The following SMIM41 variants were observed in gnomAD, a reference collection of about 807,000 sequenced individuals.
The protein encoded by SMIM41 is small integral membrane protein 41.
chr12:52,090,315 T>C (rs1163952356), intron 2 of SMIM41, among the ~76,000 whole-genome samples: 1 of 151,938 alleles, frequency 6.6e-6, no homozygotes, highest in Non-Finnish European at 1.5e-5. Context: ...ACTCCTGAAC[T>C]CAAGTGACCC....
Position 52,079,759 on chromosome 12 carries a change from C to T in SMIM41, c.-21C>T. On this transcript the variant is annotated 5_prime_UTR_variant, in exon 1 of 3. Transcript: ENST00000546390. ...TGCACATCTGGCGATCCCGCCACAT[C>T]TGGGCAGCCGGCGCTGGAGCATGAA... The T allele has an allele frequency of 2.5e-6, 1 of 393,072 alleles. No homozygotes were observed. Among genetic ancestry groups the T allele is most frequent in the East Asian group, 3.6e-5 (1 of 27,608 alleles). The allele number at this position is 393,072 out of a possible 1,614,324, so 24.3% of individuals were successfully genotyped here.
intron 2 of SMIM41, chr12:52,087,719 G>C (rs1939913457): frequency 6.6e-6 from 1 of 152,252 alleles, no homozygotes; most frequent in Non-Finnish European, 1.5e-5. Flanking sequence ...AGGAAAATGA[G>C]ATAGTGATCA....
chr12:52,102,678 A>T (rs1940241080), intron 2 of SMIM41, among the ~76,000 whole-genome samples: 1 of 152,236 alleles, frequency 6.6e-6, no homozygotes, highest in African/African-American at 2.4e-5. Flanking sequence ...CAATAATGTG[A>T]TACCACACAT....
intron 2 of SMIM41, among the ~76,000 whole-genome samples, chr12:52,085,482 G>C (rs1456182300): frequency 6.6e-6 from 1 of 152,160 alleles, no homozygotes; most frequent in Non-Finnish European, 1.5e-5. Flanking sequence ...TAGGGTGCTT[G>C]GCACATACCT....
At chr12:52,093,828 C>T (rs1940043806) in intron 2 of SMIM41, among the ~76,000 whole-genome samples, 1 of 152,080 alleles carries the variant, frequency 6.6e-6, no homozygotes, top group Non-Finnish European at 1.5e-5. Flanking sequence ...CAAAAGCAAC[C>T]CTTTTGGAAA....
chr12:52,091,027 T>G (rs900062814), intron 2 of SMIM41, among the ~76,000 whole-genome samples: 2 of 152,198 alleles, frequency 1.3e-5, no homozygotes, highest in African/African-American at 2.4e-5. Context: ...ATTTTTTTCT[T>G]ATGAAAACAG....
rs1222947890 is a variant in SMIM41, at chr12:52,081,888, G to T, written c.*120+1707G>T. Reference sequence around the variant, plus strand: ...TTCAGGCCCCCTTCTGGCACTTGGGGGCCCCTCTCACTCTGTCCTCTTCCC... The same window carrying T: ...TTCAGGCCCCCTTCTGGCACTTGGGTGCCCCTCTCACTCTGTCCTCTTCCC... On this transcript the variant is annotated intron_variant, in intron 1 of 2. Coordinates refer to ENST00000546390, the MANE Select transcript of SMIM41 (RefSeq NM_001369216.1). This position sits in a 1 kb window ranked among gnomAD's most constrained non-coding sequence, Gnocchi z 4.1. Among the ~76,000 whole-genome samples the T allele has an allele frequency of 2.0e-5, 3 of 152,152 alleles. No homozygotes were observed. Among genetic ancestry groups the T allele is most frequent in the African/African-American group, 7.2e-5 (3 of 41,436 alleles).
intron 2 of SMIM41, among the ~76,000 whole-genome samples, chr12:52,084,237 G>A (rs1939859255): frequency 1.3e-5 from 2 of 152,058 alleles, no homozygotes; most frequent in African/African-American, 4.8e-5. Context: ...AGCTGGATGT[G>A]GCGGTGCATG....
intron 2 of SMIM41, among the ~76,000 whole-genome samples, chr12:52,086,219 G>C (rs1939890609): frequency 6.6e-6 from 1 of 152,090 alleles, no homozygotes; most frequent in Non-Finnish European, 1.5e-5. Context: ...CATACCCTGA[G>C]CAGTTCTGGG....
chr12:52,080,022 G>A lies in SMIM41; in HGVS notation c.243G>A (p.Pro81=), dbSNP rs370119941. 4.8e-4 allele frequency: 180 copies of A among 371,552 alleles called. 4 individuals carry two copies. In the East Asian group the frequency reaches 5.2e-3, roughly 11 times the overall value. The allele number at this position is 371,552 out of a possible 1,614,324, so 23.0% of individuals were successfully genotyped here. ...REQRASREPE[P]GSASGEDGDD... is the part of the protein sequence containing the mutation. ...AGCGCGCGTCCCGCGAGCCCGAGCC[G>A]GGCAGTGCCAGCGGAGAGGACGGCG... The change falls in exon 1 of 3, where the codon CCG becomes CCA. Residue 81 remains proline, a synonymous_variant. Transcript: ENST00000546390.
At chr12:52,097,150 C>G (rs1428122749) in intron 2 of SMIM41, among the ~76,000 whole-genome samples, 3 of 152,146 alleles carry the variant, frequency 2.0e-5, no homozygotes, top group Non-Finnish European at 2.9e-5. Context: ...GTGAACACCC[C>G]CTCCATGATA....
intron 2 of SMIM41, chr12:52,092,315 T>A (rs1407422960): frequency 1.3e-5 from 2 of 152,228 alleles, no homozygotes; most frequent in Non-Finnish European, 1.5e-5. Flanking sequence ...AGAGAAATGA[T>A]GAATATTTCA....
intron 2 of SMIM41, among the ~76,000 whole-genome samples, chr12:52,103,818 T>C (rs1235257712): frequency 2.0e-5 from 3 of 152,306 alleles, no homozygotes. Flanking sequence ...CTAGAGTAGT[T>C]AAACTCATAG....
intron 2 of SMIM41, among the ~76,000 whole-genome samples, chr12:52,099,803 C>A (rs1277357535): frequency 1.4e-5 from 2 of 140,706 alleles, no homozygotes. Context: ...ATACTATGAA[C>A]AATATCACAG....
chr12:52,085,173 T>G (rs1939876011), intron 2 of SMIM41, among the ~76,000 whole-genome samples: 1 of 152,106 alleles, frequency 6.6e-6, no homozygotes, highest in Non-Finnish European at 1.5e-5. Context: ...AGTCTAAGGG[T>G]GGTTCTGGCC....
chr12:52,101,142 G>C (rs1236544365), intron 2 of SMIM41, among the ~76,000 whole-genome samples: 1 of 152,120 alleles, frequency 6.6e-6, no homozygotes, highest in Non-Finnish European at 1.5e-5. Flanking sequence ...GAAAATCTTG[G>C]CCAGGTGTGG....
chr12:52,093,392 G>A (rs1940036884), intron 2 of SMIM41, among the ~76,000 whole-genome samples: 1 of 152,110 alleles, frequency 6.6e-6, no homozygotes, highest in African/African-American at 2.4e-5. Context: ...CAACTTGGCT[G>A]GTTTTCCTGT....
intron 2 of SMIM41, among the ~76,000 whole-genome samples, chr12:52,084,412 C>CA (rs1451510446): frequency 6.0e-5 from 9 of 150,494 alleles, no homozygotes; most frequent in South Asian, 2.1e-4. Flanking sequence ...ACAAAAACCA[C>CA]AAAAAAACAA....
intron 2 of SMIM41, among the ~76,000 whole-genome samples, chr12:52,091,325 G>A (rs1420854541): frequency 2.0e-5 from 3 of 152,318 alleles, no homozygotes; most frequent in Non-Finnish European, 2.9e-5. Context: ...GCTCCTGGGG[G>A]CTTCAACTCA....
Sources: allele counts gnomAD v4.1 joint callset (sites outside exome capture counted in the v4.1 genomes callset), GRCh38; gene constraint gnomAD v4.1.1; non-coding constraint Gnocchi (gnomAD v3.1); transcripts MANE v1.5; gene names NCBI Gene and HGNC (gene_info 2026-07-23, HGNC 2026-07-21).